SLC9B1: variants seen among roughly 807,000 people sequenced by gnomAD.
The protein encoded by SLC9B1 is solute carrier family 9 member B1, also known as sodium/hydrogen exchanger 9B1.
A neutral mutation model predicts 51.7 loss-of-function variants in SLC9B1; 32 were observed. That is an observed-to-expected ratio of 0.62 (90% confidence interval 0.47 to 0.83). The LOEUF (loss-of-function observed/expected upper bound fraction) is 0.83. Among genes scored for constraint, SLC9B1 ranks in the 40% least tolerant of loss-of-function variants. The pLI is 0.00. For synonymous variants in SLC9B1, 145 were observed against 212.7 expected (o/e 0.68, Z 2.77); for missense variants, 406 against 613.2 (o/e 0.66, Z 3.57).
At chr4:102,950,659 C>G (rs367698491) in intron 3 of SLC9B1, among the ~76,000 whole-genome samples, 54 of 152,268 alleles carry the variant, frequency 3.5e-4, no homozygotes, top group East Asian at 1.5e-3. Flanking sequence ...TTATTGTCAT[C>G]CTGCAAAACT....
At chr4:102,959,034 A>G (rs184694424) in intron 3 of SLC9B1, among the ~76,000 whole-genome samples, 130 of 152,316 alleles carry the variant, frequency 8.5e-4, no homozygotes, top group Non-Finnish European at 6.5e-4. Flanking sequence ...GACACATAGA[A>G]AACAAATAAC....
intron 1 of SLC9B1, among the ~76,000 whole-genome samples, chr4:103,008,483 G>T (rs989881860): frequency 1.3e-5 from 2 of 151,456 alleles, no homozygotes; most frequent in African/African-American, 4.9e-5. Context: ...GTGCGATCTG[G>T]GTTCACTGCA....
intron 3 of SLC9B1, among the ~76,000 whole-genome samples, chr4:102,950,479 C>T (rs570359098): frequency 6.6e-6 from 1 of 152,244 alleles, no homozygotes; most frequent in African/African-American, 2.4e-5. Context: ...CCTTTATTTG[C>T]TATGAATCAT....
chr4:102,911,712 G>T (rs375214320), intron 7 of SLC9B1, among the ~76,000 whole-genome samples, 175 bp from the exon 8 acceptor site: 2 of 151,992 alleles, frequency 1.3e-5, no homozygotes, highest in Non-Finnish European at 2.9e-5. Flanking sequence ...TATTTAGTAC[G>T]TTAAATATAT....
In SLC9B1 at chr4:102,911,770, T is replaced by C. The variant is rs17009195; in HGVS notation, c.830-233A>G. Among the ~76,000 whole-genome samples, 1,911 of 152,240 alleles carry C rather than the reference T, an allele frequency of 0.013. 97 individuals carry two copies. The East Asian group carries it at 0.15, about 12-fold the overall frequency. On this transcript the variant is annotated intron_variant, in intron 7 of 11. Transcript: ENST00000296422. ...ACACACAACTCAGAAATGTCCATTATGTAAATAGGCCAGAAAACAAAGACT... is the reference window on the plus strand; with the variant it reads ...ACACACAACTCAGAAATGTCCATTACGTAAATAGGCCAGAAAACAAAGACT...
rs531121714 is a variant in SLC9B1 at position 103,002,541 on chromosome 4, A to G, written c.-1-10829T>C. The stretch of plus-strand genomic sequence containing the variant: ...TATGATTTTTTGACTTTTCCATTTT[A>G]GAAAATGAACTAGTACGAGTAACTT... On this transcript the variant is annotated intron_variant, in intron 1 of 11. Transcript: ENST00000296422. Among the ~76,000 whole-genome samples the G allele has an allele frequency of 9.6e-4, 147 of 152,392 alleles. 2 individuals carry two copies. The highest frequency in any genetic ancestry group is 3.5e-3 in the African/African-American group (146 of 41,600).
chr4:103,015,469 GTC>G (rs1232372338), intron 1 of SLC9B1, among the ~76,000 whole-genome samples: 1 of 152,032 alleles, frequency 6.6e-6, no homozygotes, highest in African/African-American at 2.4e-5. Context: ...TACCCAGGTG[GTC>G]TACCCACCCA....
At chr4:102,913,830 A>T (rs2110435436) in intron 7 of SLC9B1, among the ~76,000 whole-genome samples, 1 of 151,674 alleles carries the variant, frequency 6.6e-6, no homozygotes, top group Non-Finnish European at 1.5e-5. Flanking sequence ...AACCATACAG[A>T]AACTCTGAAG....
rs58812728 is a variant in SLC9B1 at position 102,940,101 on chromosome 4, A to C, written c.653+5092T>G. On this transcript the variant is annotated intron_variant, in intron 6 of 11. Transcript: ENST00000296422. ...GGTGAAACACTTTTATACCAAGAAA[A>C]CCCCATAGTAGCCTCTCAAGAGCTC... is the stretch of plus-strand genomic sequence containing the variant. 4.5e-4 allele frequency among the ~76,000 whole-genome samples: 69 copies of C among 152,130 alleles called. No homozygotes were observed. In the East Asian group the frequency reaches 0.013, roughly 28 times the overall value.
chr4:102,974,485 CAT>C (rs1738952635), intron 3 of SLC9B1, among the ~76,000 whole-genome samples: 1 of 151,852 alleles, frequency 6.6e-6, no homozygotes, highest in Non-Finnish European at 1.5e-5. Flanking sequence ...TGAAATGTAA[CAT>C]AAAATATGAG....
At chr4:102,903,260 G>C (rs1232509865) in intron 11 of SLC9B1, among the ~76,000 whole-genome samples, 2 of 152,104 alleles carry the variant, frequency 1.3e-5, no homozygotes, top group Non-Finnish European at 2.9e-5. Context: ...GAAGGAGAGA[G>C]AACAGATACT....
At chr4:102,957,885 C>T (rs1737890826) in intron 3 of SLC9B1, among the ~76,000 whole-genome samples, 1 of 152,016 alleles carries the variant, frequency 6.6e-6, no homozygotes, top group Non-Finnish European at 1.5e-5. Context: ...GAGTTCATAG[C>T]ATATAAGAGG....
intron 7 of SLC9B1, among the ~76,000 whole-genome samples, chr4:102,924,707 A>G (rs974130187): frequency 2.6e-5 from 4 of 152,226 alleles, no homozygotes; most frequent in Non-Finnish European, 5.9e-5. Context: ...AAACAAATTT[A>G]TATGAAAAAA....
intron 7 of SLC9B1, 32 bp from the exon 8 acceptor site, chr4:102,911,569 A>C (rs2110433261): frequency 3.5e-6 from 5 of 1,412,806 alleles, no homozygotes; most frequent in Non-Finnish European, 4.9e-6. Flanking sequence ...AAAAATTCAC[A>C]AAGAAGTATC....
intron 3 of SLC9B1, among the ~76,000 whole-genome samples, chr4:102,973,016 T>G (rs1738845664): frequency 6.6e-6 from 1 of 152,164 alleles, no homozygotes; most frequent in East Asian, 1.9e-4. Context: ...GGAAAAACCT[T>G]GATCAATCTA....
intron 2 of SLC9B1, among the ~76,000 whole-genome samples, chr4:102,991,307 CACA>C (rs1275248151): frequency 1.1e-4 from 17 of 152,102 alleles, no homozygotes; most frequent in African/African-American, 3.8e-4. Flanking sequence ...AAACACACAG[CACA>C]ACATTTTAAT....
intron 1 of SLC9B1, among the ~76,000 whole-genome samples, chr4:103,012,158 G>A (rs1741116818): frequency 6.6e-6 from 1 of 152,138 alleles, no homozygotes; most frequent in South Asian, 2.1e-4. Context: ...AAACAGTCAA[G>A]AGAAGCATGT....
intron 3 of SLC9B1, among the ~76,000 whole-genome samples, chr4:102,956,482 T>TCAA (rs1737821986): frequency 6.6e-6 from 1 of 152,168 alleles, no homozygotes; most frequent in South Asian, 2.1e-4. Context: ...TAATTGCAAC[T>TCAA]TTGAATGCAT....
At position 102,991,708 on chromosome 4, in the gene SLC9B1, G is replaced by A. The variant is rs1739946948; in HGVS notation, c.4C>T (p.His2Tyr). 1 of 1,573,274 alleles carries A rather than the reference G, an allele frequency of 6.4e-7. No homozygotes were observed. The highest frequency in any genetic ancestry group is 8.6e-7 in the Non-Finnish European group (1 of 1,157,044). The change falls in exon 2 of 12, where the codon CAT becomes TAT. Residue 2 changes from histidine (H) to tyrosine (Y), a missense_variant. His to Tyr is a moderately conservative substitution (Grantham distance 83). This residue lies in a region of SLC9B1 where 108 missense variants were observed against 94.5 expected (regional missense o/e 1.14). Transcript: ENST00000296422. MHTTESKNEHLE... is the reference protein window; with the variant it reads MYTTESKNEHLE... The stretch of plus-strand genomic sequence containing the variant: ...TGTTCATTTTTTGATTCTGTGGTAT[G>A]CATGCTAAGATTTAAAAGAAAAATA...
Sources: gnomAD v4.1 joint callset for allele counts (sites outside exome capture counted in the v4.1 genomes callset) on GRCh38, gnomAD v4.1.1 for gene constraint, gnomAD v4.1.1 regional missense constraint, MANE v1.5 for transcripts, NCBI Gene and HGNC (gene_info 2026-07-23, HGNC 2026-07-21) for gene names.